Variants in AK5 observed in about 807,000 individuals in gnomAD.
The protein encoded by AK5 is adenylate kinase isoenzyme 5.
Under a neutral mutation model 69.5 loss-of-function variants are expected in AK5, and 27 were observed. The ratio of observed to expected loss-of-function variants is 0.39; its 90% confidence interval spans 0.29 to 0.54. The LOEUF is 0.54. Ranked by LOEUF, AK5 falls within the 20% of genes least tolerant of loss-of-function variation. The pLI is 0.71. For synonymous variants in AK5, 260 were observed against 244.4 expected (o/e 1.06, Z -0.60); for missense variants, 531 against 700.4 (o/e 0.76, Z 2.73).
At chr1:77,355,781 T>C (rs1273456883) in intron 6 of AK5, among the ~76,000 whole-genome samples, 4 of 152,064 alleles carry the variant, frequency 2.6e-5, no homozygotes, top group African/African-American at 4.8e-5. Flanking sequence ...AGCAGCTGGC[T>C]TGGAGCCCAT....
intron 2 of AK5, among the ~76,000 whole-genome samples, chr1:77,292,983 A>C (rs1658775277): frequency 6.6e-6 from 1 of 152,188 alleles, no homozygotes; most frequent in Non-Finnish European, 1.5e-5. Context: ...ATGCCAAATT[A>C]CTCTTAACAC....
chr1:77,443,684 T>C (rs879687262), intron 8 of AK5, among the ~76,000 whole-genome samples: 89 of 147,820 alleles, frequency 6.0e-4, no homozygotes, highest in Middle Eastern at 3.4e-3. Context: ...AGTCTGTGTG[T>C]GTGTGTGTGT....
intron 6 of AK5, among the ~76,000 whole-genome samples, chr1:77,410,460 A>G (rs943806873): frequency 1.3e-5 from 2 of 152,010 alleles, no homozygotes; most frequent in African/African-American, 4.8e-5. Context: ...TTGTATTTTT[A>G]GTAGAGACGG....
At chr1:77,477,260 T>G (rs1655003180) in intron 8 of AK5, among the ~76,000 whole-genome samples, 1 of 152,186 alleles carries the variant, frequency 6.6e-6, no homozygotes, top group Non-Finnish European at 1.5e-5. Context: ...ACTCCTGGGC[T>G]CAAATGATCC....
intron 7 of AK5, among the ~76,000 whole-genome samples, chr1:77,413,133 C>T (rs765169125): frequency 3.3e-5 from 5 of 152,156 alleles, no homozygotes; most frequent in Non-Finnish European, 7.3e-5. Context: ...CCTTTGCTTT[C>T]CTGCAGTGGT....
At chr1:77,288,257 C>T (rs936566919) in intron 2 of AK5, among the ~76,000 whole-genome samples, 1 of 152,106 alleles carries the variant, frequency 6.6e-6, no homozygotes, top group African/African-American at 2.4e-5. Context: ...ATGAGCCAAC[C>T]AGCCTTTCAG....
chr1:77,346,016 G>C (rs191121854), intron 6 of AK5: 1 of 152,266 alleles, frequency 6.6e-6, no homozygotes, highest in East Asian at 1.9e-4. Flanking sequence ...CATAAAGTAA[G>C]ATAGAGAAAA....
rs1220928386 is a variant in AK5, at chr1:77,391,517, A to G, written c.892-19464A>G. 8.5e-5 allele frequency among the ~76,000 whole-genome samples: 11 copies of G among 129,928 alleles called. 1 individual carries two copies. Among genetic ancestry groups the G allele is most frequent in the Middle Eastern group, 4.0e-3 (1 of 248 alleles). 85.2% of individuals were successfully genotyped at this position (129,928 alleles called of 152,430 possible). On this transcript the variant is annotated intron_variant, in intron 6 of 13. Coordinates refer to ENST00000354567, the MANE Select transcript of AK5 (RefSeq NM_174858.3). Reference sequence around the variant, plus strand: ...TGTGTATATATATATATATATATATATATATATATATCTCCTCAGGCTGTT... The same window carrying G: ...TGTGTATATATATATATATATATATGTATATATATATCTCCTCAGGCTGTT...
At chr1:77,289,116 A>G (rs2100645434) in intron 2 of AK5, among the ~76,000 whole-genome samples, 1 of 152,294 alleles carries the variant, frequency 6.6e-6, no homozygotes, top group Non-Finnish European at 1.5e-5. Flanking sequence ...TATAAAGTTC[A>G]CGCTTTGTAA....
intron 6 of AK5, among the ~76,000 whole-genome samples, chr1:77,400,406 T>A (rs1168337511): frequency 6.6e-6 from 1 of 152,092 alleles, no homozygotes; most frequent in East Asian, 1.9e-4. Flanking sequence ...ATCGAATAAA[T>A]CCATATAAAA....
At chr1:77,472,358 T>G (rs947252680) in intron 8 of AK5, among the ~76,000 whole-genome samples, 6 of 152,134 alleles carry the variant, frequency 3.9e-5, no homozygotes, top group African/African-American at 1.4e-4. Flanking sequence ...ACACAACCAC[T>G]TGTAAAACCA....
intron 6 of AK5, among the ~76,000 whole-genome samples, chr1:77,392,696 A>G (rs144018887): frequency 1.3e-3 from 195 of 152,272 alleles, no homozygotes; most frequent in Middle Eastern, 6.8e-3. Context: ...CTCTTCTGAC[A>G]AGACCGCTAA....
At chr1:77,282,764 A>T in intron 1 of AK5, 1 of 1,010,268 alleles carries the variant, frequency 9.9e-7, no homozygotes, top group East Asian at 9.6e-5. Flanking sequence ...CTCGAAACTG[A>T]GGGAGCCAGA....
At chr1:77,468,050 G>C (rs1487385074) in intron 8 of AK5, among the ~76,000 whole-genome samples, 2 of 152,210 alleles carry the variant, frequency 1.3e-5, no homozygotes, top group Non-Finnish European at 2.9e-5. Context: ...AGGGTTAAAG[G>C]GGGTCTTAGA....
At chr1:77,292,606 C>T (rs1658751727) in intron 2 of AK5, among the ~76,000 whole-genome samples, 1 of 152,174 alleles carries the variant, frequency 6.6e-6, no homozygotes, top group Non-Finnish European at 1.5e-5. Flanking sequence ...AAGAGGGAGC[C>T]ATAAACTATA....
intron 8 of AK5, among the ~76,000 whole-genome samples, chr1:77,430,812 A>G (rs1557588259): frequency 6.6e-6 from 1 of 152,166 alleles, no homozygotes; most frequent in African/African-American, 2.4e-5. Context: ...GAAGAGAGAG[A>G]CTGGAAAATA....
At chr1:77,528,512 A>G (rs1011928505) in intron 12 of AK5, among the ~76,000 whole-genome samples, 1 of 152,180 alleles carries the variant, frequency 6.6e-6, no homozygotes. Flanking sequence ...GACACTGCAT[A>G]TGACATCGCT....
At chr1:77,326,088 C>A (rs1485260792) in intron 5 of AK5, among the ~76,000 whole-genome samples, 1 of 152,088 alleles carries the variant, frequency 6.6e-6, no homozygotes, top group Non-Finnish European at 1.5e-5. Flanking sequence ...TTAGGTGTTA[C>A]TTAATGCCTC....
chr1:77,416,706 A>G (rs1487416227), intron 7 of AK5, among the ~76,000 whole-genome samples: 1 of 152,214 alleles, frequency 6.6e-6, no homozygotes, highest in Non-Finnish European at 1.5e-5. Context: ...GGACAGGTCT[A>G]TATCTGAGAA....
Sources: allele counts gnomAD v4.1 joint callset (sites outside exome capture counted in the v4.1 genomes callset), GRCh38; gene constraint gnomAD v4.1.1; transcripts MANE v1.5; gene names NCBI Gene and HGNC (gene_info 2026-07-23, HGNC 2026-07-21).